KCNIP1: variants seen among roughly 807,000 people sequenced by gnomAD.
KCNIP1 encodes the protein A-type potassium channel modulatory protein KCNIP1.
Under a neutral mutation model 33.0 loss-of-function variants are expected in KCNIP1, and 18 were observed. That is an observed-to-expected ratio of 0.55 (90% confidence interval 0.38 to 0.81). The LOEUF (loss-of-function observed/expected upper bound fraction) is 0.81. Ranked by LOEUF, KCNIP1 falls within the 30% of genes least tolerant of loss-of-function variation. The pLI is 0.00. For synonymous variants in KCNIP1, 93 were observed against 98.3 expected (o/e 0.95, Z 0.32); for missense variants, 238 against 271.6 (o/e 0.88, Z 0.87).
chr5:170,639,040 C>T (rs1361738357), intron 1 of KCNIP1: 1 of 152,256 alleles, frequency 6.6e-6, no homozygotes, highest in Non-Finnish European at 1.5e-5. Context: ...ACCTCTGCCG[C>T]ACCTGCAGCA....
chr5:170,654,584 A>G (rs953700638), intron 1 of KCNIP1, among the ~76,000 whole-genome samples: 1 of 152,242 alleles, frequency 6.6e-6, no homozygotes, highest in African/African-American at 2.4e-5. Context: ...AAAGCAAAGT[A>G]TTCGTTCCAG....
rs1335748953 is a variant in KCNIP1, at chr5:170,732,903, A to G, written c.539A>G (p.Gln180Arg). The change falls in exon 6 of 8, where the codon CAG becomes CGG. Residue 180 changes from glutamine (Q) to arginine (R), a missense_variant and splice_region_variant. Physicochemically the swap from Gln to Arg is conservative, Grantham distance 43. Coordinates refer to ENST00000328939, the MANE Select transcript of KCNIP1 (RefSeq NM_014592.4). ...TPRQHVDVFF[Q>R]KMDKNKDGIV... Reference sequence around the variant, plus strand: ...AGGCAGCATGTGGACGTCTTCTTCCAGGTAAGTGCACACACCCTGCACATG... The same window carrying G: ...AGGCAGCATGTGGACGTCTTCTTCCGGGTAAGTGCACACACCCTGCACATG... The G allele has an allele frequency of 6.3e-7, 1 of 1,592,504 alleles. No individual in the cohort carries two copies. Among genetic ancestry groups the G allele is most frequent in the Admixed American group, 1.7e-5 (1 of 59,984 alleles).
chr5:170,545,406 G>T (rs1277419445), intron 1 of KCNIP1, among the ~76,000 whole-genome samples: 1 of 151,810 alleles, frequency 6.6e-6, no homozygotes, highest in African/African-American at 2.4e-5. Context: ...TCAATGAGTT[G>T]GTTTCTCTCA....
intron 5 of KCNIP1, 86 bp from the exon 6 acceptor site, chr5:170,732,714 G>C (rs1364570634): frequency 1.2e-6 from 1 of 815,948 alleles, no homozygotes; most frequent in African/African-American, 1.7e-5. Flanking sequence ...CATTGCCAAG[G>C]GGCACAAGGA....
At chr5:170,557,027 A>C (rs1756868581) in intron 1 of KCNIP1, among the ~76,000 whole-genome samples, 1 of 152,170 alleles carries the variant, frequency 6.6e-6, no homozygotes, top group Non-Finnish European at 1.5e-5. Flanking sequence ...CAGGTCCCTT[A>C]GCCTCCCTCA....
intron 1 of KCNIP1, among the ~76,000 whole-genome samples, chr5:170,654,291 C>T (rs1173612204): frequency 6.6e-6 from 1 of 152,198 alleles, no homozygotes; most frequent in South Asian, 2.1e-4. Context: ...CTATTCTGTG[C>T]CAGGCACTGT....
intron 1 of KCNIP1, among the ~76,000 whole-genome samples, chr5:170,597,806 T>A (rs1436234249): frequency 3.2e-4 from 2 of 6,296 alleles, no homozygotes; most frequent in African/African-American, 9.3e-4. Context: ...TATATATATA[T>A]ATATATATAT....
chr5:170,721,929 G>A (rs752345547), intron 4 of KCNIP1, 26 bp downstream of exon 4: 1 of 1,613,280 alleles, frequency 6.2e-7, no homozygotes, highest in Non-Finnish European at 8.5e-7. Context: ...GTCCACTCTA[G>A]GGGTCCTCTG....
At chr5:170,525,193 T>C (rs1419239678) in intron 1 of KCNIP1, among the ~76,000 whole-genome samples, 1 of 152,216 alleles carries the variant, frequency 6.6e-6, no homozygotes, top group Non-Finnish European at 1.5e-5. Flanking sequence ...TGTCCGTAGG[T>C]GAGACCTTGT....
At chr5:170,589,743 G>GTGTGTGATGTGA (rs1758143291) in intron 1 of KCNIP1, among the ~76,000 whole-genome samples, 1 of 127,580 alleles carries the variant, frequency 7.8e-6, no homozygotes, top group Non-Finnish European at 1.6e-5. Context: ...GTGTGGTGTG[G>GTGTGTGATGTGA]TGTGGTGTGG....
intron 1 of KCNIP1, among the ~76,000 whole-genome samples, chr5:170,653,425 T>C (rs1761133440): frequency 6.6e-6 from 1 of 151,508 alleles, no homozygotes; most frequent in South Asian, 2.1e-4. Context: ...CATCATCAAA[T>C]ATGGATCTGT....
intron 1 of KCNIP1, among the ~76,000 whole-genome samples, chr5:170,546,084 A>G (rs771330946): frequency 2.6e-5 from 4 of 152,180 alleles, no homozygotes; most frequent in African/African-American, 4.8e-5. Flanking sequence ...GACTGAATCG[A>G]CCACCTCTGG....
intron 1 of KCNIP1, among the ~76,000 whole-genome samples, chr5:170,458,653 G>T (rs1006528840): frequency 6.6e-6 from 1 of 152,196 alleles, no homozygotes; most frequent in Non-Finnish European, 1.5e-5. Flanking sequence ...AATGCTGAGA[G>T]AATTCACCAC....
At chr5:170,472,826 G>C (rs975043448) in intron 1 of KCNIP1, among the ~76,000 whole-genome samples, 23 of 152,176 alleles carry the variant, frequency 1.5e-4, no homozygotes, top group African/African-American at 5.1e-4. Context: ...TTATCCACTC[G>C]TTGATTGATG....
At chr5:170,419,347 A>G (rs1288242238) in intron 1 of KCNIP1, among the ~76,000 whole-genome samples, 2 of 152,222 alleles carry the variant, frequency 1.3e-5, no homozygotes, top group Admixed American at 1.3e-4. Flanking sequence ...AGCCAAGGGA[A>G]GTCAAGTAAA....
chr5:170,596,096 G>A (rs1251569878), intron 1 of KCNIP1, among the ~76,000 whole-genome samples: 1 of 152,102 alleles, frequency 6.6e-6, no homozygotes, highest in African/African-American at 2.4e-5. Flanking sequence ...CCTTTATAAC[G>A]GGGCTTCGAA....
intron 1 of KCNIP1, among the ~76,000 whole-genome samples, chr5:170,477,719 G>A (rs1010436564): frequency 2.0e-5 from 3 of 152,212 alleles, no homozygotes; most frequent in Non-Finnish European, 2.9e-5. Context: ...TGGGATTAGA[G>A]GTGTGAGTGA....
At chr5:170,638,623 C>G (rs1186952404) in intron 1 of KCNIP1, among the ~76,000 whole-genome samples, 1 of 152,174 alleles carries the variant, frequency 6.6e-6, no homozygotes, top group Admixed American at 6.5e-5. Flanking sequence ...AGGTTGTCCT[C>G]AGCCTCCCTG....
At chr5:170,538,205 A>C (rs1206903606) in intron 1 of KCNIP1, among the ~76,000 whole-genome samples, 1 of 152,128 alleles carries the variant, frequency 6.6e-6, no homozygotes, top group Non-Finnish European at 1.5e-5. Context: ...TACTGAGTAC[A>C]CGTGCTTGAA....
Sources: allele counts gnomAD v4.1 joint callset (sites outside exome capture counted in the v4.1 genomes callset), GRCh38; gene constraint gnomAD v4.1.1; transcripts MANE v1.5; gene names NCBI Gene and HGNC (gene_info 2026-07-23, HGNC 2026-07-21).